Variants in LPP observed in about 807,000 individuals in gnomAD.
LPP encodes the protein LIM domain containing preferred translocation partner in lipoma.
In LPP, 38 loss-of-function variants were observed where a neutral mutation model predicts 60.4. That is an observed-to-expected ratio of 0.63 (90% CI 0.49 to 0.83). The LOEUF (loss-of-function observed/expected upper bound fraction) is 0.83, where lower values mean the gene tolerates loss of function less well. Ranked by LOEUF, LPP falls within the 40% of genes least tolerant of loss-of-function variation. LPP has a pLI of 0.00. For synonymous variants in LPP, 328 were observed against 290.8 expected (o/e 1.13, Z -1.30); for missense variants, 902 against 783.6 (o/e 1.15, Z -1.80).
intron 2 of LPP, among the ~76,000 whole-genome samples, chr3:188,265,337 A>C (rs1452621616): frequency 1.3e-5 from 2 of 152,186 alleles, no homozygotes; most frequent in Non-Finnish European, 2.9e-5. Context: ...GGCCTTGAAG[A>C]AATTAAGATA....
intron 2 of LPP, among the ~76,000 whole-genome samples, chr3:188,271,526 T>C (rs958825188): frequency 6.6e-6 from 1 of 152,216 alleles, no homozygotes; most frequent in Non-Finnish European, 1.5e-5. Flanking sequence ...CTGTCACAGA[T>C]GTTAAGAAGG....
chr3:188,639,275 C>T (rs1156752355), intron 7 of LPP, among the ~76,000 whole-genome samples: 54 of 150,810 alleles, frequency 3.6e-4, no homozygotes, highest in African/African-American at 1.2e-3. Flanking sequence ...AAAGGATTCC[C>T]TATTTAATAA....
intron 8 of LPP, among the ~76,000 whole-genome samples, chr3:188,729,293 C>A (rs1251123223): frequency 1.3e-5 from 2 of 152,124 alleles, no homozygotes; most frequent in Non-Finnish European, 2.9e-5. Flanking sequence ...GATAGAGAGT[C>A]TGGAGTTCAG....
intron 3 of LPP, among the ~76,000 whole-genome samples, chr3:188,381,884 C>G (rs1776996614): frequency 1.3e-5 from 2 of 151,912 alleles, no homozygotes; most frequent in African/African-American, 4.8e-5. Context: ...CAGACTCAAG[C>G]TATCCTCTCA....
chr3:188,429,956 T>C (rs984392213), intron 4 of LPP, among the ~76,000 whole-genome samples: 3 of 152,178 alleles, frequency 2.0e-5, no homozygotes, highest in Admixed American at 6.6e-5. Context: ...CGTATTATGG[T>C]TGACATTAAA....
At chr3:188,334,153 A>C (rs79173847) in intron 2 of LPP, among the ~76,000 whole-genome samples, 2,440 of 152,274 alleles carry the variant, frequency 0.016, 84 homozygotes, top group South Asian at 0.12. Flanking sequence ...TTCACTTAAC[A>C]TGATGTCCTC....
At position 188,881,736 on chromosome 3, in the gene LPP, T is replaced by C. The variant is rs1770051131; in HGVS notation, c.*7257T>C. On this transcript the variant is annotated 3_prime_UTR_variant, in exon 12 of 12. Transcript: ENST00000617246. ...CACTTCTGGGTCAGTTCATATTCCATTCAACCTTTTCCTTTTATCCTTGTC... is the reference window on the plus strand; with the variant it reads ...CACTTCTGGGTCAGTTCATATTCCACTCAACCTTTTCCTTTTATCCTTGTC... 1 of 225,538 alleles carries C rather than the reference T, an allele frequency of 4.4e-6. No individual in the cohort carries two copies. The highest frequency in any genetic ancestry group is 5.7e-5 in the Admixed American group (1 of 17,518). The allele number at this position is 225,538 out of a possible 1,614,324, so 14.0% of individuals were successfully genotyped here. A position where few individuals can be genotyped will look rare whatever the true frequency, so the allele number is the denominator to read the frequency against.
intron 9 of LPP, among the ~76,000 whole-genome samples, chr3:188,838,340 G>C (rs1759010697): frequency 6.6e-6 from 1 of 152,046 alleles, no homozygotes; most frequent in Non-Finnish European, 1.5e-5. Context: ...AATGATGGGG[G>C]GACTCATATG....
intron 8 of LPP, among the ~76,000 whole-genome samples, chr3:188,725,784 A>G (rs181691836): frequency 6.6e-6 from 1 of 152,270 alleles, no homozygotes; most frequent in East Asian, 1.9e-4. Flanking sequence ...GTGATATGGG[A>G]GGAAAGAAGT....
chr3:188,648,341 C>A (rs1011972478), intron 7 of LPP, among the ~76,000 whole-genome samples: 2 of 152,124 alleles, frequency 1.3e-5, no homozygotes, highest in Non-Finnish European at 1.5e-5. Context: ...AGACCTTAGG[C>A]CCCTGGGAAT....
rs187611302 is a variant in LPP, at chr3:188,564,699, T to C, written c.429+39912T>C. On this transcript the variant is annotated intron_variant, in intron 6 of 11. Transcript: ENST00000617246. ...AGAAGGAAGGAAGTCCAAAAACCCATGTCAGCAACTAGACAACCAAGCCTC... is the reference window on the plus strand; with the variant it reads ...AGAAGGAAGGAAGTCCAAAAACCCACGTCAGCAACTAGACAACCAAGCCTC... 4.5e-3 allele frequency among the ~76,000 whole-genome samples: 691 copies of C among 152,024 alleles called. 1 individual carries two copies. Among genetic ancestry groups the C allele is most frequent in the Non-Finnish European group, 7.4e-3 (500 of 67,922 alleles).
At chr3:188,664,346 G>A (rs1037212602) in intron 7 of LPP, among the ~76,000 whole-genome samples, 4 of 152,162 alleles carry the variant, frequency 2.6e-5, no homozygotes, top group African/African-American at 9.7e-5. Flanking sequence ...CGCTAAATGT[G>A]TAAAACCTAG....
intron 9 of LPP, among the ~76,000 whole-genome samples, chr3:188,774,936 C>A (rs1342748535): frequency 6.6e-6 from 1 of 152,100 alleles, no homozygotes; most frequent in East Asian, 1.9e-4. Context: ...TCAATTTAGT[C>A]CATAGCAATA....
chr3:188,592,053 A>C (rs1838831484), intron 6 of LPP, among the ~76,000 whole-genome samples: 1 of 152,188 alleles, frequency 6.6e-6, no homozygotes, highest in African/African-American at 2.4e-5. Flanking sequence ...AACAGAAACA[A>C]ACTACTTTGT....
intron 8 of LPP, chr3:188,746,578 A>C: frequency 2.1e-6 from 1 of 479,074 alleles, no homozygotes; most frequent in Non-Finnish European, 4.2e-6. Flanking sequence ...CTCTTGCCCA[A>C]GACAGAACTT....
intron 9 of LPP, among the ~76,000 whole-genome samples, chr3:188,841,023 GT>G (rs1278386536): frequency 1.3e-5 from 2 of 152,100 alleles, no homozygotes; most frequent in Non-Finnish European, 2.9e-5. Flanking sequence ...GAGGTACTGT[GT>G]GCTATGTGGG....
chr3:188,245,732 C>G (rs771113803), intron 2 of LPP, among the ~76,000 whole-genome samples: 1 of 151,614 alleles, frequency 6.6e-6, no homozygotes. Context: ...TTTGTAGACA[C>G]GAGGTCTCAC....
intron 2 of LPP, among the ~76,000 whole-genome samples, chr3:188,241,208 C>T (rs929650096): frequency 1.3e-5 from 2 of 152,200 alleles, no homozygotes; most frequent in African/African-American, 4.8e-5. Context: ...ACTGATATAG[C>T]ATGAATCCAA....
At chr3:188,230,071 A>G (rs73057661) in intron 2 of LPP, among the ~76,000 whole-genome samples, 2,531 of 152,190 alleles carry the variant, frequency 0.017, 67 homozygotes, top group African/African-American at 0.055. Flanking sequence ...ATAAAGGAGA[A>G]ATACACATTA....
Sources: gnomAD v4.1 joint callset for allele counts (sites outside exome capture counted in the v4.1 genomes callset) on GRCh38, gnomAD v4.1.1 for gene constraint, MANE v1.5 for transcripts, NCBI Gene and HGNC (gene_info 2026-07-23, HGNC 2026-07-21) for gene names.